Variants in SMARCAD1 observed in about 807,000 individuals in gnomAD.
SMARCAD1 encodes SWI/SNF-related matrix-associated actin-dependent regulator of chromatin subfamily A containing DEAD/H box 1.
Under a neutral mutation model 127.1 loss-of-function variants are expected in SMARCAD1, and 25 were observed. The ratio of observed to expected loss-of-function variants is 0.20; its 90% CI spans 0.14 to 0.27. The LOEUF is 0.27. SMARCAD1 is among the 10% of genes least tolerant of loss of function. The pLI, the probability that SMARCAD1 is intolerant of heterozygous loss-of-function variation, is 1.00. For synonymous variants in SMARCAD1, 400 were observed against 396.9 expected (o/e 1.01, Z -0.09); for missense variants, 807 against 1,206.0 (o/e 0.67, Z 4.90).
chr4:94,275,069 G>A, intron 14 of SMARCAD1, 104 bp downstream of exon 14: 2 of 835,102 alleles, frequency 2.4e-6, no homozygotes, highest in Non-Finnish European at 4.1e-6. Flanking sequence ...TGTTAACTGT[G>A]ATACGAAAGT....
At chr4:94,289,264 C>T (rs913119808) in intron 23 of SMARCAD1, among the ~76,000 whole-genome samples, 1 of 151,944 alleles carries the variant, frequency 6.6e-6, no homozygotes, top group Non-Finnish European at 1.5e-5. Context: ...CCTTAGATTG[C>T]TATGTTGGCA....
chr4:94,259,255 CA>C (rs1750591966), intron 9 of SMARCAD1, among the ~76,000 whole-genome samples: 1 of 152,122 alleles, frequency 6.6e-6, no homozygotes, highest in South Asian at 2.1e-4. Context: ...AGCAACATAC[CA>C]AATCTGAATC....
Position 94,224,982 on chromosome 4 carries a change from C to G in SMARCAD1, c.191-1137C>G, listed in dbSNP as rs1255977822. 3.3e-5 allele frequency among the ~76,000 whole-genome samples: 5 copies of G among 152,308 alleles called. 1 individual carries two copies. The East Asian group carries it at 9.6e-4, about 29-fold the overall frequency. ...TAAAATTAATTTCCTAGACCAGGCA[C>G]TGTGTTTACTTTAATACGACTCCCT... On this transcript the variant is annotated intron_variant, in intron 2 of 23. Transcript: ENST00000354268.
intron 16 of SMARCAD1, among the ~76,000 whole-genome samples, chr4:94,277,701 T>A (rs1753497417): frequency 2.6e-5 from 4 of 152,258 alleles, no homozygotes; most frequent in Admixed American, 2.6e-4. Flanking sequence ...CCCAGTTTTT[T>A]CAATACCGCA....
At position 94,264,835 on chromosome 4, in the gene SMARCAD1, C is replaced by G. The variant is rs759608462; in HGVS notation, c.1410C>G (p.Thr470=). The change falls in exon 10 of 24, where the codon ACC becomes ACG. Residue 470 remains threonine, a synonymous_variant. Coordinates refer to ENST00000354268, the MANE Select transcript of SMARCAD1 (RefSeq NM_020159.5). ...GTGAAGACATTTCAAATAAATTGAC[C>G]AAACAAGTTACCATGCTTACTGGAA... is the stretch of plus-strand genomic sequence containing the variant. ...NKCEDISNKL[T]KQVTMLTGNG... The G allele has an allele frequency of 3.1e-6, 5 of 1,613,002 alleles. No homozygotes were observed. The South Asian group carries it at 5.5e-5, about 18-fold the overall frequency.
chr4:94,290,012 A>T lies in SMARCAD1; in HGVS notation c.*478A>T, dbSNP rs1358054798. On this transcript the variant is annotated 3_prime_UTR_variant, in exon 24 of 24. Transcript: ENST00000354268. ...GTTAAAGAATGCAGCTGTATAGATT[A>T]TATAGCTTTCATTTTATTGCTATTT... The T allele has an allele frequency of 2.2e-6, 1 of 454,524 alleles. No homozygotes were observed. 28.2% of individuals were successfully genotyped at this position (454,524 alleles called of 1,614,324 possible). A position where few individuals can be genotyped will look rare whatever the true frequency, so the allele number is the denominator to read the frequency against.
chr4:94,224,577 T>G (rs112892417), intron 2 of SMARCAD1, among the ~76,000 whole-genome samples: 3,144 of 150,852 alleles, frequency 0.021, 104 homozygotes, highest in African/African-American at 0.071. Context: ...TCAAAAGATT[T>G]CAGATTTTAG....
Position 94,281,636 on chromosome 4 carries a change from T to C in SMARCAD1, c.2726+46T>C, listed in dbSNP as rs745664008. On this transcript the variant is annotated intron_variant, in intron 21 of 23. Transcript: ENST00000354268. ...TTACAAAAAAATAACTCATTTATTA[T>C]TATTGTTAGGATTTTAATTGTCTAA... 11 of 1,205,980 alleles carry C rather than the reference T, an allele frequency of 9.1e-6. No individual in the cohort carries two copies. In the Admixed American group the frequency reaches 1.2e-4, roughly 13 times the overall value. 74.7% of individuals were successfully genotyped at this position (1,205,980 alleles called of 1,614,324 possible).
chr4:94,244,378 G>T (rs926151128), intron 6 of SMARCAD1, among the ~76,000 whole-genome samples: 6 of 151,994 alleles, frequency 3.9e-5, no homozygotes, highest in African/African-American at 1.5e-4. Context: ...AGCTGCAAAA[G>T]AATTTTTCAG....
chr4:94,234,636 CTAATTA>C (rs1396965388), intron 4 of SMARCAD1, among the ~76,000 whole-genome samples: 3 of 152,134 alleles, frequency 2.0e-5, no homozygotes, highest in African/African-American at 4.8e-5. Flanking sequence ...TTAGGTATCT[CTAATTA>C]TAAGAGTAAA....
rs771733240 is a variant in SMARCAD1, at chr4:94,208,337, C to T, written c.-49-9C>T. ...GGCCTTTTTTCCTCTCTTTATTTTT[C>T]CCCTGCAGATAGTTCATTTAAAGCC... On this transcript the variant is annotated splice_polypyrimidine_tract_variant and intron_variant, in intron 1 of 23. Coordinates refer to ENST00000354268, the MANE Select transcript of SMARCAD1 (RefSeq NM_020159.5). 8.4e-6 allele frequency: 13 copies of T among 1,550,522 alleles called. No homozygotes were observed. The highest frequency in any genetic ancestry group is 9.8e-6 in the Non-Finnish European group (11 of 1,123,812).
intron 9 of SMARCAD1, among the ~76,000 whole-genome samples, chr4:94,257,839 T>C (rs1579236293): frequency 6.6e-6 from 1 of 152,132 alleles, no homozygotes; most frequent in Non-Finnish European, 1.5e-5. Context: ...GTCTTATCTA[T>C]CAACTTAATA....
At chr4:94,208,137 C>G in intron 1 of SMARCAD1, 67 bp downstream of exon 1, 2 of 610,430 alleles carry the variant, frequency 3.3e-6, no homozygotes, top group Non-Finnish European at 3.0e-6. Flanking sequence ...GGGAGGCGGA[C>G]GAAGGGGAGT....
intron 11 of SMARCAD1, among the ~76,000 whole-genome samples, chr4:94,272,979 G>T (rs1013784916): frequency 2.6e-5 from 4 of 151,716 alleles, no homozygotes; most frequent in Non-Finnish European, 4.4e-5. Context: ...GGCTAATTTT[G>T]TATTTTTGTA....
At chr4:94,218,136 G>T (rs1196686001) in intron 2 of SMARCAD1, among the ~76,000 whole-genome samples, 2 of 152,100 alleles carry the variant, frequency 1.3e-5, no homozygotes, top group African/African-American at 2.4e-5. Context: ...TTCATTATTA[G>T]TATGGAGTTG....
chr4:94,247,058 C>A (rs902879518), intron 6 of SMARCAD1, among the ~76,000 whole-genome samples: 3 of 152,166 alleles, frequency 2.0e-5, no homozygotes, highest in African/African-American at 7.2e-5. Context: ...AGGCATCTTA[C>A]ATTGGGATGG....
intron 6 of SMARCAD1, among the ~76,000 whole-genome samples, chr4:94,249,274 T>C (rs531540448): frequency 1.2e-4 from 18 of 152,120 alleles, no homozygotes; most frequent in Non-Finnish European, 2.1e-4. Context: ...GGATATATAA[T>C]AGTGAACATA....
At chr4:94,214,271 T>G (rs557345815) in intron 2 of SMARCAD1, among the ~76,000 whole-genome samples, 49 of 151,032 alleles carry the variant, frequency 3.2e-4, no homozygotes, top group Admixed American at 5.3e-4. Flanking sequence ...TTTTGTTTTT[T>G]TTTTTTTTTT....
At chr4:94,231,613 C>T (rs1643820906) in intron 3 of SMARCAD1, among the ~76,000 whole-genome samples, 1 of 152,160 alleles carries the variant, frequency 6.6e-6, no homozygotes, top group South Asian at 2.1e-4. Context: ...AAATTACGGA[C>T]ATCCCAGCAT....
Sources: allele counts gnomAD v4.1 joint callset (sites outside exome capture counted in the v4.1 genomes callset), GRCh38; gene constraint gnomAD v4.1.1; transcripts MANE v1.5; gene names NCBI Gene and HGNC (gene_info 2026-07-23, HGNC 2026-07-21).